Variants in AK9 observed in about 807,000 individuals in gnomAD.
The protein encoded by AK9 is adenylate kinase domain containing 1.
AK9 carries 191 observed loss-of-function variants against 239.6 expected under a neutral mutation model. The ratio of observed to expected loss-of-function variants is 0.80; its 90% CI spans 0.71 to 0.90. The LOEUF is 0.90. Ranked by LOEUF, AK9 falls within the 40% of genes least tolerant of loss-of-function variation. The probability of loss-of-function intolerance (pLI) is 0.00; values close to 1 mark genes in which losing one functional copy is unlikely to be tolerated. For missense variants in AK9, 1,995 were observed against 2,214.7 expected, an observed-to-expected ratio of 0.90 and a Z score of 1.99; for synonymous variants, 689 against 721.0, an observed-to-expected ratio of 0.96 and a Z score of 0.71.
rs1196364045 is a variant in AK9, at chr6:109,549,664, C to CTTTTTTTTTTTTTTT, written c.2964+411_2964+425dup. ...GTTGTTCTTTGAACTTAGATATTTTCTTTTTTTTTTTTTTTTTTTGAGACG... is the reference window on the plus strand; with the variant it reads ...GTTGTTCTTTGAACTTAGATATTTTCTTTTTTTTTTTTTTTTTTTTTTTTTTTTTTTTTTGAGACG... On this transcript the variant is annotated intron_variant, in intron 25 of 40. Coordinates refer to ENST00000424296, the MANE Select transcript of AK9 (RefSeq NM_001145128.3). 4.0e-4 allele frequency: 49 copies of CTTTTTTTTTTTTTTT among 122,080 alleles called. 5 individuals are homozygous for CTTTTTTTTTTTTTTT. Among genetic ancestry groups the CTTTTTTTTTTTTTTT allele is most frequent in the East Asian group, 1.4e-3 (5 of 3,606 alleles). 7.6% of individuals were successfully genotyped at this position (122,080 alleles called of 1,614,324 possible).
chr6:109,509,014 C>G (rs1304580893), intron 33 of AK9, among the ~76,000 whole-genome samples, 165 bp downstream of exon 33: 1 of 152,178 alleles, frequency 6.6e-6, no homozygotes, highest in African/African-American at 2.4e-5. Flanking sequence ...TTTTGCTTGA[C>G]AGAAAATTCA....
rs77328104 is a variant in AK9 at position 109,667,562 on chromosome 6, C to T, written c.331+4357G>A. On this transcript the variant is annotated intron_variant, in intron 5 of 40. Transcript: ENST00000424296. ...TCCTTTCCCTCCCCTCTCCCCCCATCCCACAACAGGCTCCAGTGTGTGATG... is the reference window on the plus strand; with the variant it reads ...TCCTTTCCCTCCCCTCTCCCCCCATTCCACAACAGGCTCCAGTGTGTGATG... Among the ~76,000 whole-genome samples the T allele has an allele frequency of 1.3e-4, 19 of 151,812 alleles. No individual in the cohort carries two copies. In the East Asian group the frequency reaches 3.7e-3, roughly 29 times the overall value.
At chr6:109,647,729 A>C (rs1798279299) in intron 8 of AK9, among the ~76,000 whole-genome samples, 1 of 152,144 alleles carries the variant, frequency 6.6e-6, no homozygotes, top group African/African-American at 2.4e-5. Context: ...CAGCTCTGCA[A>C]CAAGCAGATC....
At chr6:109,589,827 A>G (rs1264176641) in intron 17 of AK9, among the ~76,000 whole-genome samples, 1 of 151,990 alleles carries the variant, frequency 6.6e-6, no homozygotes, top group Non-Finnish European at 1.5e-5. Flanking sequence ...GTTATCACAT[A>G]GTTTTTTGTT....
chr6:109,601,700 T>C (rs1791999012), intron 17 of AK9, among the ~76,000 whole-genome samples: 1 of 152,176 alleles, frequency 6.6e-6, no homozygotes, highest in Non-Finnish European at 1.5e-5. Context: ...CTCATTATTA[T>C]TGTGTGGGAG....
chr6:109,645,112 A>C (rs1045443207), intron 8 of AK9, among the ~76,000 whole-genome samples: 1 of 152,250 alleles, frequency 6.6e-6, no homozygotes, highest in African/African-American at 2.4e-5. Context: ...AAATAGGAAC[A>C]GTTCCGGTCT....
chr6:109,647,941 A>C (rs1284514582), intron 8 of AK9, among the ~76,000 whole-genome samples: 3 of 152,196 alleles, frequency 2.0e-5, no homozygotes, highest in Non-Finnish European at 4.4e-5. Context: ...AAACTCACTC[A>C]AAACCGCTCA....
intron 17 of AK9, among the ~76,000 whole-genome samples, chr6:109,588,079 T>C (rs1193954120): frequency 2.0e-5 from 3 of 149,898 alleles, no homozygotes; most frequent in Non-Finnish European, 4.5e-5. Flanking sequence ...GCTGCCTTCT[T>C]TTTTTTTTTG....
intron 33 of AK9, 114 bp from the exon 34 acceptor site, chr6:109,506,914 G>A: frequency 7.3e-7 from 1 of 1,378,574 alleles, no homozygotes; most frequent in Non-Finnish European, 9.4e-7. Context: ...TTTTCCTTAT[G>A]TAACTCAATT....
Position 109,672,019 on chromosome 6 carries a change from A to AG in AK9, c.235-5dup. On this transcript the variant is annotated splice_region_variant and splice_polypyrimidine_tract_variant and intron_variant, in intron 4 of 40. Transcript: ENST00000424296. ...CGCTGATCAACATTGATTGCAACTA[A>AG]GGACAAGCATAGATATTGTACATTA... The AG allele has an allele frequency of 6.2e-7, 1 of 1,613,818 alleles. No homozygotes were observed. Among genetic ancestry groups the AG allele is most frequent in the Non-Finnish European group, 8.5e-7 (1 of 1,179,798 alleles).
At chr6:109,568,512 T>C (rs1215960494) in intron 21 of AK9, among the ~76,000 whole-genome samples, 3 of 152,158 alleles carry the variant, frequency 2.0e-5, no homozygotes, top group Non-Finnish European at 2.9e-5. Flanking sequence ...AATGACATGA[T>C]TGTATATTTA....
chr6:109,599,298 G>C (rs966224096), intron 17 of AK9, among the ~76,000 whole-genome samples: 1 of 152,126 alleles, frequency 6.6e-6, no homozygotes, highest in East Asian at 1.9e-4. Flanking sequence ...CGTATGGCTA[G>C]CCAGTTTTCC....
At chr6:109,589,949 G>A (rs540658717) in intron 17 of AK9, among the ~76,000 whole-genome samples, 3 of 152,120 alleles carry the variant, frequency 2.0e-5, no homozygotes, top group South Asian at 2.1e-4. Context: ...TTGTGTATTC[G>A]TTCCTGAATC....
chr6:109,598,224 TC>T lies in AK9; in HGVS notation c.1842+12140del, dbSNP rs1328513824. Reference sequence around the variant, plus strand: ...ATCTCCTAATGCTATCCCTCCCCCCTCCCCCCACCCCACAACAGTCCCCGGT... The same window carrying T: ...ATCTCCTAATGCTATCCCTCCCCCCTCCCCCACCCCACAACAGTCCCCGGT... On this transcript the variant is annotated intron_variant, in intron 17 of 40. Coordinates refer to ENST00000424296, the MANE Select transcript of AK9 (RefSeq NM_001145128.3). Among the ~76,000 whole-genome samples, 142 of 108,816 alleles carry T rather than the reference TC, an allele frequency of 1.3e-3. 1 individual carries two copies. The highest frequency in any genetic ancestry group is 8.6e-3 in the Middle Eastern group (2 of 232). The allele number at this position is 108,816 out of a possible 152,430, so 71.4% of individuals were successfully genotyped here.
chr6:109,643,217 G>A (rs1167655963), intron 9 of AK9, among the ~76,000 whole-genome samples: 1 of 152,188 alleles, frequency 6.6e-6, no homozygotes, highest in African/African-American at 2.4e-5. Context: ...AGTGACTTTG[G>A]TCATGAGATC....
intron 20 of AK9, among the ~76,000 whole-genome samples, chr6:109,577,581 T>C (rs1482974871): frequency 6.6e-6 from 1 of 152,212 alleles, no homozygotes; most frequent in African/African-American, 2.4e-5. Flanking sequence ...GAATACCTGA[T>C]AGAAATCAGC....
intron 8 of AK9, among the ~76,000 whole-genome samples, chr6:109,645,793 G>A (rs1453175274): frequency 6.6e-6 from 1 of 152,220 alleles, no homozygotes; most frequent in Non-Finnish European, 1.5e-5. Flanking sequence ...CTAACTTGGA[G>A]ACACCTCCCA....
intron 24 of AK9, among the ~76,000 whole-genome samples, chr6:109,553,663 T>A (rs777849923): frequency 8.5e-5 from 13 of 152,202 alleles, no homozygotes; most frequent in Admixed American, 1.3e-4. Flanking sequence ...ACAACTTGAC[T>A]TCCTCTCTTC....
chr6:109,668,075 T>A (rs1222056184), intron 5 of AK9, among the ~76,000 whole-genome samples: 1 of 152,238 alleles, frequency 6.6e-6, no homozygotes, highest in East Asian at 1.9e-4. Context: ...GTTTCCTGAC[T>A]TTTTAATGAT....
Sources: gnomAD v4.1 joint callset for allele counts (sites outside exome capture counted in the v4.1 genomes callset) on GRCh38, gnomAD v4.1.1 for gene constraint, MANE v1.5 for transcripts, NCBI Gene and HGNC (gene_info 2026-07-23, HGNC 2026-07-21) for gene names.